Variants in FAM124B observed in about 807,000 individuals in gnomAD.
FAM124B encodes the protein family with sequence similarity 124 member B, also known as protein FAM124B.
Under a neutral mutation model 19.7 loss-of-function variants are expected in FAM124B, and 18 were observed. The observed-to-expected ratio is 0.92, with a 90% confidence interval of 0.63 to 1.36. The LOEUF is 1.36. Among genes scored for constraint, FAM124B ranks in the 40% most tolerant of loss-of-function variants. FAM124B has a pLI of 0.00. For missense variants in FAM124B, 540 were observed against 553.3 expected (o/e 0.98, Z 0.24); for synonymous variants, 223 against 225.2 (o/e 0.99, Z 0.09).
At position 224,395,489 on chromosome 2, in the gene FAM124B, C is replaced by T. The variant is rs571800272; in HGVS notation, c.732+5548G>A. Among the ~76,000 whole-genome samples the T allele has an allele frequency of 1.2e-4, 19 of 152,212 alleles. No homozygotes were observed. The South Asian group carries it at 2.5e-3, about 20-fold the overall frequency. On this transcript the variant is annotated intron_variant, in intron 1 of 1. Transcript: ENST00000409685. ...GAACACACTGACACTGTCACTACCA[C>T]CAGAGGCAAAAGCACAGGGAGAAAA...
chr2:224,389,870 G>A (rs761848522), intron 1 of FAM124B, among the ~76,000 whole-genome samples: 5 of 152,028 alleles, frequency 3.3e-5, no homozygotes, highest in Non-Finnish European at 7.4e-5. Context: ...CTCATTTGGG[G>A]TGATTTTTGT....
intron 1 of FAM124B, among the ~76,000 whole-genome samples, chr2:224,383,466 T>C (rs374916988): frequency 3.3e-5 from 5 of 152,146 alleles, no homozygotes; most frequent in East Asian, 1.9e-4. Context: ...TTCTTCCTTC[T>C]CTCCTTCCTT....
rs1364848442 is a variant in FAM124B at position 224,390,698 on chromosome 2, T to TTG, written c.732+10338_732+10339insCA. Among the ~76,000 whole-genome samples, 382 of 128,238 alleles carry TTG rather than the reference T, an allele frequency of 3.0e-3. 4 individuals carry two copies. Among genetic ancestry groups the TTG allele is most frequent in the African/African-American group, 0.012 (370 of 31,736 alleles). The allele number at this position is 128,238 out of a possible 152,430, so 84.1% of individuals were successfully genotyped here. ...CCCCAATACTTGTCAACAAACTTTTTTTTTTGTTTGTTTGTTTTTTAAGAC... is the reference window on the plus strand; with the variant it reads ...CCCCAATACTTGTCAACAAACTTTTTTGTTTTTGTTTGTTTGTTTTTTAAGAC... On this transcript the variant is annotated intron_variant, in intron 1 of 1. Coordinates refer to ENST00000409685, the MANE Select transcript of FAM124B (RefSeq NM_001122779.2).
Position 224,401,499 on chromosome 2 carries a change from C to G in FAM124B, c.270G>C (p.Gln90His), listed in dbSNP as rs1175977516. 2 of 1,614,138 alleles carry G rather than the reference C, an allele frequency of 1.2e-6. No homozygotes were observed. The highest frequency in any genetic ancestry group is 1.7e-6 in the Non-Finnish European group (2 of 1,180,020). ...DRLFRVLDSL[Q>H]HSPWQCYPTQ... The stretch of plus-strand genomic sequence containing the variant: ...TGGGGTAGCACTGCCATGGCGAATG[C>G]TGGAGAGAGTCCAGGACGCGAAATA... The change falls in exon 1 of 2, where the codon CAG becomes CAC. Residue 90 changes from glutamine (Q) to histidine (H), a missense_variant. Gln to His is a conservative substitution (Grantham distance 24). Coordinates refer to ENST00000409685, the MANE Select transcript of FAM124B (RefSeq NM_001122779.2).
chr2:224,399,498 T>C (rs957966525), intron 1 of FAM124B: 4 of 152,230 alleles, frequency 2.6e-5, no homozygotes, highest in African/African-American at 9.6e-5. Flanking sequence ...AGTCTCTTAT[T>C]ACTTTATTCA....
intron 1 of FAM124B, among the ~76,000 whole-genome samples, chr2:224,390,708 GT>G (rs1423578087): frequency 3.1e-5 from 3 of 96,648 alleles, no homozygotes; most frequent in South Asian, 6.6e-4. Context: ...TTTTTTGTTT[GT>G]TTGTTTTTTA....
Position 224,401,019 on chromosome 2 carries a change from G to A in FAM124B, c.732+18C>T, listed in dbSNP as rs200319143. Reference sequence around the variant, plus strand: ...AGCTCCATGAGCCTCTACAAGATCTGAGACAAAACAGAAATACCTGAAGCA... The same window carrying A: ...AGCTCCATGAGCCTCTACAAGATCTAAGACAAAACAGAAATACCTGAAGCA... On this transcript the variant is annotated intron_variant, in intron 1 of 1. Coordinates refer to ENST00000409685, the MANE Select transcript of FAM124B (RefSeq NM_001122779.2). The A allele has an allele frequency of 1.9e-6, 3 of 1,572,304 alleles. No individual in the cohort carries two copies. The highest frequency in any genetic ancestry group is 4.5e-5 in the East Asian group (2 of 44,474).
At chr2:224,381,293 C>CA (rs1256497477) in intron 1 of FAM124B, among the ~76,000 whole-genome samples, 1 of 152,088 alleles carries the variant, frequency 6.6e-6, no homozygotes, top group Non-Finnish European at 1.5e-5. Context: ...CCCATCTTTA[C>CA]AAAAAATAAA....
intron 1 of FAM124B, among the ~76,000 whole-genome samples, chr2:224,385,332 G>A (rs1689786632): frequency 6.6e-6 from 1 of 152,136 alleles, no homozygotes; most frequent in African/African-American, 2.4e-5. Context: ...TTTTTCTTCA[G>A]CTTCTTGGCC....
intron 1 of FAM124B, among the ~76,000 whole-genome samples, chr2:224,380,572 C>T (rs1178783503): frequency 6.6e-6 from 1 of 152,042 alleles, no homozygotes; most frequent in Non-Finnish European, 1.5e-5. Flanking sequence ...TTATTAGCAA[C>T]CATGTAAAAA....
Position 224,387,050 on chromosome 2 carries a change from A to G in FAM124B, c.733-6842T>C, listed in dbSNP as rs145375961. Among the ~76,000 whole-genome samples, 787 of 152,310 alleles carry G rather than the reference A, an allele frequency of 5.2e-3. 9 individuals are homozygous for G. The highest frequency in any genetic ancestry group is 6.4e-3 in the Non-Finnish European group (432 of 68,022). On this transcript the variant is annotated intron_variant, in intron 1 of 1. Coordinates refer to ENST00000409685, the MANE Select transcript of FAM124B (RefSeq NM_001122779.2). ...GTGAGTGTAAGGTTATTAACATAGA[A>G]ATGCAGATGTTTGGCATTGGAATGA...
chr2:224,399,156 A>G (rs571023912), intron 1 of FAM124B, among the ~76,000 whole-genome samples: 135 of 152,314 alleles, frequency 8.9e-4, no homozygotes, highest in Admixed American at 3.3e-3. Context: ...AAGTTGTTTA[A>G]ACTGTGGTTC....
chr2:224,401,882 G>T lies in FAM124B; in HGVS notation c.-114C>A, dbSNP rs1225328967. ...TCAGCCCGCCTGAAAACCTTCAGCT[G>T]CAGCGGCTACTTCTGAGCAGAGCTC... is the stretch of plus-strand genomic sequence containing the variant. On this transcript the variant is annotated 5_prime_UTR_variant, in exon 1 of 2. Transcript: ENST00000409685. 1.3e-5 allele frequency: 16 copies of T among 1,268,164 alleles called. No individual in the cohort carries two copies. Among genetic ancestry groups the T allele is most frequent in the Non-Finnish European group, 1.7e-5 (16 of 922,308 alleles). 78.6% of individuals were successfully genotyped at this position (1,268,164 alleles called of 1,614,324 possible).
At chr2:224,395,140 G>A (rs1689950481) in intron 1 of FAM124B, among the ~76,000 whole-genome samples, 1 of 152,116 alleles carries the variant, frequency 6.6e-6, no homozygotes, top group Admixed American at 6.5e-5. Context: ...TTTAGAGTCT[G>A]CCAGAGCCTG....
chr2:224,401,958 A>C lies in FAM124B; in HGVS notation c.-190T>G, dbSNP rs1368951220. Reference sequence around the variant, plus strand: ...GCCACCCGTGGACTTACGGCAAGAGAAGCTCACACCAGCTCGGGTTCAGCA... The same window carrying C: ...GCCACCCGTGGACTTACGGCAAGAGCAGCTCACACCAGCTCGGGTTCAGCA... On this transcript the variant is annotated 5_prime_UTR_variant, in exon 1 of 2. Transcript: ENST00000409685. The C allele has an allele frequency of 2.3e-5, 14 of 619,712 alleles. No individual in the cohort carries two copies. Among genetic ancestry groups the C allele is most frequent in the South Asian group, 6.9e-5 (3 of 43,286 alleles). 38.4% of individuals were successfully genotyped at this position (619,712 alleles called of 1,614,324 possible).
intron 1 of FAM124B, among the ~76,000 whole-genome samples, chr2:224,382,207 A>G (rs569234352): frequency 1.3e-5 from 2 of 152,248 alleles, no homozygotes; most frequent in East Asian, 3.9e-4. Context: ...CAACTATCCA[A>G]CTCTGCTGCA....
At chr2:224,388,123 C>G (rs188886757) in intron 1 of FAM124B, among the ~76,000 whole-genome samples, 59 of 152,214 alleles carry the variant, frequency 3.9e-4, no homozygotes, top group African/African-American at 1.4e-3. Flanking sequence ...AAAAGAGAAG[C>G]AGATTCATAA....
At position 224,379,985 on chromosome 2, in the gene FAM124B, C is replaced by G. The variant is rs968090587; in HGVS notation, c.956G>C (p.Arg319Pro). 7.7e-6 allele frequency: 12 copies of G among 1,551,600 alleles called. No homozygotes were observed. The highest frequency in any genetic ancestry group is 1.0e-5 in the Non-Finnish European group (12 of 1,147,014). Reference sequence around the variant, plus strand: ...AGCTGGGCTGCTGACCTGGAATGACCGGCCAGGGCTTTTCCACGAAGTGCC... The same window carrying G: ...AGCTGGGCTGCTGACCTGGAATGACGGGCCAGGGCTTTTCCACGAAGTGCC... ...CAGTSWKSPG[R>P]SFQVSSPAMG... The change falls in exon 2 of 2, where the codon CGG becomes CCG. Residue 319 changes from arginine (R) to proline (P), a missense_variant. Transcript: ENST00000409685.
intron 1 of FAM124B, among the ~76,000 whole-genome samples, chr2:224,390,455 G>A (rs991993497): frequency 2.0e-5 from 3 of 152,004 alleles, no homozygotes; most frequent in African/African-American, 4.8e-5. Flanking sequence ...CAGAGCCATC[G>A]AGCCAAGGAA....
Sources: allele counts gnomAD v4.1 joint callset (sites outside exome capture counted in the v4.1 genomes callset), GRCh38; gene constraint gnomAD v4.1.1; transcripts MANE v1.5; gene names NCBI Gene and HGNC (gene_info 2026-07-23, HGNC 2026-07-21).